SLC50A1: variants seen among roughly 807,000 people sequenced by gnomAD.
SLC50A1 encodes the protein sugar transporter SWEET1.
SLC50A1 carries 22 observed loss-of-function variants against 28.9 expected under a neutral mutation model. The observed-to-expected ratio is 0.76, with a 90% confidence interval of 0.54 to 1.09. SLC50A1 has a LOEUF of 1.09. Ranked by LOEUF, SLC50A1 falls within the 50% of genes least tolerant of loss-of-function variation. SLC50A1 has a pLI of 0.00. For missense variants in SLC50A1, 233 were observed against 273.4 expected (o/e 0.85, Z 1.04); for synonymous variants, 96 against 110.6 (o/e 0.87, Z 0.83).
rs1322972424 is a variant in SLC50A1 at position 155,138,444 on chromosome 1, T to C, written c.*163T>C. On this transcript the variant is annotated 3_prime_UTR_variant, in exon 6 of 6. Transcript: ENST00000368404. ...CAAAGAAAAAGCTTTACTTAGATGA[T>C]TGATTGGGGCCTAGGAGATGAAATC... 8 of 640,504 alleles carry C rather than the reference T, an allele frequency of 1.2e-5. No individual in the cohort carries two copies. Among genetic ancestry groups the C allele is most frequent in the Non-Finnish European group, 2.2e-5 (8 of 367,470 alleles). The allele number at this position is 640,504 out of a possible 1,614,324, so 39.7% of individuals were successfully genotyped here.
At position 155,135,866 on chromosome 1, in the gene SLC50A1, G is replaced by T. The variant is rs776289770; in HGVS notation, c.-46G>T. 6.2e-7 allele frequency: 1 copy of T among 1,611,076 alleles called. No homozygotes were observed. ...TGGGCTGCAGTAGGTCCCGGCAACC[G>T]CAGGCTCGCGGCGGGCGCTGGGCGC... On this transcript the variant is annotated 5_prime_UTR_variant, in exon 1 of 6. Transcript: ENST00000368404.
chr1:155,135,550 C>T, upstream of SLC50A1: 1 of 1,532,822 alleles, frequency 6.5e-7, no homozygotes, highest in Non-Finnish European at 8.8e-7. Flanking sequence ...GCGCACAGGC[C>T]TGTGGGAACA....
At chr1:155,135,508 G>A, upstream of SLC50A1, 2 of 1,342,822 alleles carry the variant, frequency 1.5e-6, 1 homozygote, top group South Asian at 2.9e-5. Context: ...TGTTAAACTA[G>A]CAAGCTTTTG....
At chr1:155,137,867 G>T in intron 4 of SLC50A1, 112 bp from the exon 5 acceptor site, 1 of 1,589,446 alleles carries the variant, frequency 6.3e-7, no homozygotes, top group South Asian at 1.1e-5. Context: ...AGGCAGGAAA[G>T]GTTGGGTGAC....
At chr1:155,135,760 TC>T (rs973298965), upstream of SLC50A1, 5 of 1,549,550 alleles carry the variant, frequency 3.2e-6, no homozygotes, top group Non-Finnish European at 4.4e-6. Flanking sequence ...GGGTGGGGCT[TC>T]GGCGCAGTTT....
In SLC50A1 at chr1:155,137,962, T is replaced by C. The variant is rs1664591545; in HGVS notation, c.445-17T>C. The C allele has an allele frequency of 1.2e-6, 2 of 1,613,948 alleles. No individual in the cohort carries two copies. Among genetic ancestry groups the C allele is most frequent in the Non-Finnish European group, 1.7e-6 (2 of 1,180,006 alleles). ...CGATGTGCTTGGGCCAAGAGAGTCT[T>C]CCATTCTTTCCCACAGGCTAAGGTG... is the stretch of plus-strand genomic sequence containing the variant. On this transcript the variant is annotated splice_polypyrimidine_tract_variant and intron_variant, in intron 4 of 5. Transcript: ENST00000368404.
Position 155,135,860 on chromosome 1 carries a change from G to A in SLC50A1, c.-52G>A. 2 of 1,610,836 alleles carry A rather than the reference G, an allele frequency of 1.2e-6. No homozygotes were observed. The highest frequency in any genetic ancestry group is 1.7e-6 in the Non-Finnish European group (2 of 1,178,798). On this transcript the variant is annotated 5_prime_UTR_variant, in exon 1 of 6. Transcript: ENST00000368404. ...CAGGTCTGGGCTGCAGTAGGTCCCG[G>A]CAACCGCAGGCTCGCGGCGGGCGCT...
rs370409481 is a variant in SLC50A1 at position 155,138,087 on chromosome 1, C to T, written c.553C>T (p.Pro185Ser). The change falls in exon 5 of 6, where the codon CCC (proline) becomes TCC (serine). Residue 185 changes from proline to serine, a missense_variant. By Grantham distance (74) the Pro-to-Ser change is moderately conservative. Transcript: ENST00000368404. ...WCLYGFRLRD[P>S]YIMVSNFPGI... ...CCTCTATGGGTTTCGACTCAGAGAT[C>T]CCTATATCATGGTAAGCACAACTGG... The T allele has an allele frequency of 1.7e-5, 28 of 1,614,126 alleles. No homozygotes were observed. The highest frequency in any genetic ancestry group is 3.3e-4 in the Middle Eastern group (2 of 6,062).
upstream of SLC50A1, chr1:155,135,567 T>C: frequency 3.9e-6 from 6 of 1,541,944 alleles, no homozygotes; most frequent in Non-Finnish European, 5.3e-6. Context: ...AACACGAGCG[T>C]TGAGACTGGG....
At position 155,135,887 on chromosome 1, in the gene SLC50A1, G is replaced by T. The variant is rs780472996; in HGVS notation, c.-25G>T. On this transcript the variant is annotated 5_prime_UTR_variant, in exon 1 of 6. Transcript: ENST00000368404. ...AACCGCAGGCTCGCGGCGGGCGCTG[G>T]GCGCGGGATCCGACTCTAGTCGTAA... The T allele has an allele frequency of 1.2e-6, 2 of 1,608,172 alleles. No homozygotes were observed. Among genetic ancestry groups the T allele is most frequent in the South Asian group, 1.1e-5 (1 of 90,630 alleles).
intron 4 of SLC50A1, 68 bp from the exon 5 acceptor site, chr1:155,137,911 G>C (rs1664587053): frequency 6.2e-7 from 1 of 1,609,962 alleles, no homozygotes; most frequent in Non-Finnish European, 8.5e-7. Context: ...TTTTCTTGAG[G>C]AAATTCTTAG....
At chr1:155,137,153 C>T in intron 3 of SLC50A1, 1 of 670,990 alleles carries the variant, frequency 1.5e-6, no homozygotes, top group Non-Finnish European at 2.5e-6. Flanking sequence ...GCTGGTAGCT[C>T]TGCCTAGCCT....
chr1:155,135,452 C>A, upstream of SLC50A1: 1 of 840,482 alleles, frequency 1.2e-6, no homozygotes, highest in Non-Finnish European at 1.8e-6. Context: ...CCCTGGGCAA[C>A]TGAGGTTCTG....
chr1:155,136,404 G>A (rs1363174271), intron 2 of SLC50A1, 28 bp downstream of exon 2: 1 of 1,592,660 alleles, frequency 6.3e-7, no homozygotes, highest in Non-Finnish European at 8.6e-7. Flanking sequence ...GCGGTAGTGG[G>A]AAAGGCTACC....
intron 3 of SLC50A1, 45 bp from the exon 4 acceptor site, chr1:155,137,516 A>G (rs1335451421): frequency 1.2e-6 from 2 of 1,608,882 alleles, no homozygotes; most frequent in Admixed American, 3.3e-5. Context: ...CTAGCAGGGA[A>G]GTCAGAGTGC....
Position 155,137,589 on chromosome 1 carries a change from T to C in SLC50A1, c.311T>C (p.Leu104Pro). The C allele has an allele frequency of 1.2e-6, 2 of 1,614,138 alleles. No homozygotes were observed. Among genetic ancestry groups the C allele is most frequent in the Non-Finnish European group, 1.7e-6 (2 of 1,179,990 alleles). Residue 104 changes from leucine to proline, a missense_variant, in exon 4 of 6, where the codon CTG becomes CCG. Transcript: ENST00000368404. ...GTTGTGCTCCTACAGACTGCAACCC[T>C]GCTAGGGGTCCTTCTCCTGGGTTAT... is the stretch of plus-strand genomic sequence containing the variant. ...KRVVLLQTAT[L>P]LGVLLLGYGY...
chr1:155,136,902 C>G lies in SLC50A1; in HGVS notation c.233C>G (p.Ala78Gly), dbSNP rs764644756. 3 of 1,614,198 alleles carry G rather than the reference C, an allele frequency of 1.9e-6. No individual in the cohort carries two copies. The highest frequency in any genetic ancestry group is 1.3e-5 in the African/African-American group (1 of 75,068). Residue 78 changes from alanine (A) to glycine (G), a missense_variant, in exon 3 of 6, where the codon GCG becomes GGG. Coordinates refer to ENST00000368404, the MANE Select transcript of SLC50A1 (RefSeq NM_018845.4). ...ILIVVNTVGA[A>G]LQTLYILAYL... ...ATCGTCGTCAACACAGTGGGTGCTG[C>G]GCTTCAGACCCTGTATATCTTGGCA...
chr1:155,135,580 C>T, upstream of SLC50A1: 5 of 1,547,642 alleles, frequency 3.2e-6, no homozygotes, highest in Non-Finnish European at 3.5e-6. Flanking sequence ...AGACTGGGGG[C>T]GTCTAGATGA....
At chr1:155,135,632 G>T (rs1410669747), upstream of SLC50A1, 4 of 1,550,258 alleles carry the variant, frequency 2.6e-6, no homozygotes, top group African/African-American at 2.7e-5. Context: ...AGGTATCGGG[G>T]ACACACCCGC....
Sources: gnomAD v4.1 joint callset for allele counts on GRCh38, gnomAD v4.1.1 for gene constraint, MANE v1.5 for transcripts, NCBI Gene and HGNC (gene_info 2026-07-23, HGNC 2026-07-21) for gene names.